CCDC142: variants seen among roughly 807,000 people sequenced by gnomAD.
CCDC142 encodes the protein coiled-coil domain-containing protein 142.
A neutral mutation model predicts 83.8 loss-of-function variants in CCDC142; 67 were observed. That is an observed-to-expected ratio of 0.80 (90% CI 0.66 to 0.98). The LOEUF (loss-of-function observed/expected upper bound fraction) is 0.98. CCDC142 is among the 50% of genes least tolerant of loss of function. The pLI is 0.00. For missense variants in CCDC142, 905 were observed against 946.8 expected, an observed-to-expected ratio of 0.96 and a Z score of 0.58; for synonymous variants, 421 against 421.2, an observed-to-expected ratio of 1.00 and a Z score of 0.01.
rs1672268872 is a variant in CCDC142, at chr2:74,474,602, G to A, written c.2197C>T (p.Arg733Ter). The part of the protein sequence containing the change: ...QAWLALRQHQ[R>*]PRWHLPFFSC... ...AAAAACGGCAGGTGCCAACGGGGTC[G>A]CTGGTGTTGCCTGAGGGCAAGCCAG... is the stretch of plus-strand genomic sequence containing the variant. Residue 733 changes from arginine to a stop codon, truncating the protein, a stop_gained, in exon 9 of 9, where the codon CGA (arginine) becomes TGA (stop). Transcript: ENST00000393965. LOFTEE classifies it high-confidence loss of function. 1.9e-6 allele frequency: 3 copies of A among 1,614,184 alleles called. No individual in the cohort carries two copies. The highest frequency in any genetic ancestry group is 1.1e-5 in the South Asian group (1 of 91,084).
In CCDC142 at chr2:74,482,077, G is replaced by T. The variant is rs1302693407; in HGVS notation, c.761C>A (p.Ala254Glu). The T allele has an allele frequency of 6.2e-6, 10 of 1,613,384 alleles. No homozygotes were observed. The highest frequency in any genetic ancestry group is 8.5e-6 in the Non-Finnish European group (10 of 1,179,944). Residue 254 changes from alanine to glutamate, a missense_variant, in exon 1 of 9, where the codon GCG (alanine) becomes GAG (glutamate). By Grantham distance (107) the Ala-to-Glu change is moderately radical (BLOSUM62 -1). Coordinates refer to ENST00000393965, the MANE Select transcript of CCDC142 (RefSeq NM_001365575.2). This position sits in a 1 kb window ranked among gnomAD's most constrained non-coding sequence, Gnocchi z 5.0. ...GTCCCTCAACGCCGATCCTTGGAGC[G>T]CCTCGTCCAGCCGACTTGCCACCTG... is the stretch of plus-strand genomic sequence containing the variant. The part of the protein sequence containing the change: ...GCQVASRLDE[A>E]LQGSALRDQL...
At chr2:74,479,855 G>A (rs1346513614) in intron 5 of CCDC142, among the ~76,000 whole-genome samples, 2 of 152,120 alleles carry the variant, frequency 1.3e-5, no homozygotes, top group Admixed American at 6.6e-5. Flanking sequence ...CTCAAGCAAT[G>A]CTCTTGCCTT....
rs1243835790 is a variant in CCDC142, at chr2:74,475,281, C to G, written c.1740G>C (p.Leu580=). The G allele has an allele frequency of 3.1e-6, 5 of 1,614,238 alleles. No homozygotes were observed. The highest frequency in any genetic ancestry group is 3.4e-6 in the Non-Finnish European group (4 of 1,180,038). ...CAAGCCAGGCACCCACGATGGCCGTCAGAGCCTGACCAAGGGCAGGGGCCT... is the reference window on the plus strand; with the variant it reads ...CAAGCCAGGCACCCACGATGGCCGTGAGAGCCTGACCAAGGGCAGGGGCCT... ...QAQAPALGQA[L]TAIVGAWLDH... Residue 580 remains leucine (L), a synonymous_variant, in exon 7 of 9, where the codon CTG becomes CTC. Coordinates refer to ENST00000393965, the MANE Select transcript of CCDC142 (RefSeq NM_001365575.2).
Position 74,474,739 on chromosome 2 carries a change from A to AAGCTCTCCAGGCT in CCDC142, c.2047_2059dup (p.Leu687Ter). The AAGCTCTCCAGGCT allele has an allele frequency of 6.2e-7, 1 of 1,614,162 alleles. No homozygotes were observed. The highest frequency in any genetic ancestry group is 8.5e-7 in the Non-Finnish European group (1 of 1,180,006). ...TGTTCCAGGCTGGAGCGGGGGCTCC[A>AAGCTCTCCAGGCT]AGCTCTCCAGGCTATTGAGGCAGCT... On this transcript the variant is annotated stop_gained and frameshift_variant, in exon 9 of 9. Transcript: ENST00000393965. LOFTEE classifies it high-confidence loss of function.
Position 74,482,941 on chromosome 2 carries a change from G to C in CCDC142, c.-104C>G. The C allele has an allele frequency of 6.4e-7, 1 of 1,560,988 alleles. No individual in the cohort carries two copies. Among genetic ancestry groups the C allele is most frequent in the Non-Finnish European group, 8.7e-7 (1 of 1,146,284 alleles). Reference sequence around the variant, plus strand: ...CCCATCGCAAGAGCCGTTTTCTCCAGTCCGGGAGTCGCGGGGACCTTCATG... The same window carrying C: ...CCCATCGCAAGAGCCGTTTTCTCCACTCCGGGAGTCGCGGGGACCTTCATG... On this transcript the variant is annotated 5_prime_UTR_variant, in exon 1 of 9. Transcript: ENST00000393965. This position sits in a 1 kb window ranked among gnomAD's most constrained non-coding sequence, Gnocchi z 5.0.
intron 5 of CCDC142, among the ~76,000 whole-genome samples, chr2:74,479,192 A>AG (rs1208966136): frequency 6.6e-6 from 1 of 151,800 alleles, no homozygotes; most frequent in African/African-American, 2.4e-5. Context: ...ACCCCATCTT[A>AG]GAAAAAAAAA....
chr2:74,482,577 C>A lies in CCDC142; in HGVS notation c.261G>T (p.Ala87=). The change falls in exon 1 of 9, where the codon GCG becomes GCT. Residue 87 remains alanine, a synonymous_variant. Coordinates refer to ENST00000393965, the MANE Select transcript of CCDC142 (RefSeq NM_001365575.2). This position sits in a 1 kb window ranked among gnomAD's most constrained non-coding sequence, Gnocchi z 5.0. Reference sequence around the variant, plus strand: ...GCAACACCGCCCGGAGACGCTGCAGCGCGGGAGGGATCGGGCCGCCACCTG... The same window carrying A: ...GCAACACCGCCCGGAGACGCTGCAGAGCGGGAGGGATCGGGCCGCCACCTG... The part of the protein sequence containing the change: ...GPAGGGPIPP[A]LQRLRAVLLR... 1 of 1,604,296 alleles carries A rather than the reference C, an allele frequency of 6.2e-7. No individual in the cohort carries two copies. The highest frequency in any genetic ancestry group is 8.5e-7 in the Non-Finnish European group (1 of 1,175,330).
chr2:74,482,547 C>T lies in CCDC142; in HGVS notation c.291G>A (p.Arg97=), dbSNP rs1484650862. 6.3e-7 allele frequency: 1 copy of T among 1,597,612 alleles called. No homozygotes were observed. The highest frequency in any genetic ancestry group is 8.5e-7 in the Non-Finnish European group (1 of 1,171,712). The change falls in exon 1 of 9, where the codon CGG becomes CGA. Residue 97 remains arginine, a synonymous_variant. Coordinates refer to ENST00000393965, the MANE Select transcript of CCDC142 (RefSeq NM_001365575.2). This position sits in a 1 kb window ranked among gnomAD's most constrained non-coding sequence, Gnocchi z 5.0. The stretch of plus-strand genomic sequence containing the variant: ...GGAGCTGCTCCCGCTCGCGATGCAG[C>T]CGCAGCAACACCGCCCGGAGACGCT... ...ALQRLRAVLL[R]LHREREQLLQ...
chr2:74,477,381 A>G (rs1310648245), intron 5 of CCDC142, among the ~76,000 whole-genome samples: 2 of 152,126 alleles, frequency 1.3e-5, no homozygotes, highest in African/African-American at 4.8e-5. Flanking sequence ...GCCTCCCGAA[A>G]TGCTGGGATT....
intron 5 of CCDC142, among the ~76,000 whole-genome samples, chr2:74,480,130 T>C (rs1399728297): frequency 6.6e-6 from 1 of 152,216 alleles, no homozygotes. Context: ...AATGATCCAC[T>C]GTTGCCATCA....
In CCDC142 at chr2:74,482,251, G is replaced by A. The variant is rs188983683; in HGVS notation, c.587C>T (p.Pro196Leu). The change falls in exon 1 of 9, where the codon CCG becomes CTG. Residue 196 changes from proline (P) to leucine (L), a missense_variant. By Grantham distance (98) the Pro-to-Leu change is moderately conservative (BLOSUM62 -3). This residue lies in a region of CCDC142 where 591 missense variants were observed against 571.4 expected (regional missense o/e 1.03). Transcript: ENST00000393965. This position sits in a 1 kb window ranked among gnomAD's most constrained non-coding sequence, Gnocchi z 5.0. ...LRALGREPAS[P>L]GLSSQLAELL... ...CTCGGCGAGTTGGGACGACAGGCCC[G>A]GGCTGGCGGGCTCCCGGCCGAGAGC... The A allele has an allele frequency of 3.7e-6, 6 of 1,613,072 alleles. No homozygotes were observed. In the East Asian group the frequency reaches 1.1e-4, roughly 30 times the overall value.
At chr2:74,481,562 G>A in intron 1 of CCDC142, 24 bp from the exon 2 acceptor site, 2 of 1,608,568 alleles carry the variant, frequency 1.2e-6, no homozygotes, top group Non-Finnish European at 8.5e-7. Flanking sequence ...TGACTCTGGG[G>A]CCTGAAAACA....
rs1672260883 is a variant in CCDC142, at chr2:74,474,309, TC to T, written c.*236del. The T allele has an allele frequency of 2.3e-6, 1 of 443,272 alleles. No homozygotes were observed. Among genetic ancestry groups the T allele is most frequent in the African/African-American group, 2.0e-5 (1 of 48,998 alleles). 27.5% of individuals were successfully genotyped at this position (443,272 alleles called of 1,614,324 possible). A position where few individuals can be genotyped will look rare whatever the true frequency, so the allele number is the denominator to read the frequency against. ...CGTGTTAGCCAGGATGGTCTTGATC[TC>T]CTGACCTCATGATCCGCCTGCCTCG... is the stretch of plus-strand genomic sequence containing the variant. On this transcript the variant is annotated 3_prime_UTR_variant, in exon 9 of 9. Transcript: ENST00000393965.
intron 5 of CCDC142, among the ~76,000 whole-genome samples, 171 bp downstream of exon 5, chr2:74,480,590 CAAAAAAAA>C (rs374053495): frequency 1.8e-5 from 1 of 56,094 alleles, no homozygotes; most frequent in Non-Finnish European, 4.2e-5. Context: ...GACCCTGTCT[CAAAAAAAA>C]AAAAAAAAAA....
intron 5 of CCDC142, among the ~76,000 whole-genome samples, chr2:74,476,999 C>T (rs13424271): frequency 0.019 from 2,950 of 152,308 alleles, 60 homozygotes; most frequent in African/African-American, 0.051. Flanking sequence ...CTTTTGTCAA[C>T]GGACTTTTGT....
Position 74,481,937 on chromosome 2 carries a change from A to G in CCDC142, c.901T>C (p.Leu301=), listed in dbSNP as rs1452833149. The G allele has an allele frequency of 6.2e-7, 1 of 1,613,970 alleles. No individual in the cohort carries two copies. Among genetic ancestry groups the G allele is most frequent in the Non-Finnish European group, 8.5e-7 (1 of 1,179,974 alleles). ...AGCAGGGTCCAGTATTGGCTCCACA[A>G]GGCCCCAGCCCCTCCGAGCCCTAGT... ...CGLGLGGAGA[L]WSQYWTLLWA... The change falls in exon 1 of 9, where the codon TTG becomes CTG. Residue 301 remains leucine, a synonymous_variant. Coordinates refer to ENST00000393965, the MANE Select transcript of CCDC142 (RefSeq NM_001365575.2).
intron 1 of CCDC142, 112 bp from the exon 2 acceptor site, chr2:74,481,650 G>T: frequency 7.3e-7 from 1 of 1,376,064 alleles, no homozygotes; most frequent in Non-Finnish European, 1.0e-6. Context: ...CGGGACTGGG[G>T]TGGAAAGCAA....
chr2:74,481,376 A>G lies in CCDC142; in HGVS notation c.1109-4T>C, dbSNP rs151083176. On this transcript the variant is annotated splice_polypyrimidine_tract_variant and splice_region_variant and intron_variant, in intron 2 of 8. Transcript: ENST00000393965. ...GATCCCAAGGCCTGGCAGAAACCTG[A>G]GGATGAGAGAGTATAGTGTGGTGGG... The G allele has an allele frequency of 4.9e-5, 79 of 1,614,092 alleles. No individual in the cohort carries two copies. In the African/African-American group the frequency reaches 1.0e-3, roughly 20 times the overall value.
Position 74,480,786 on chromosome 2 carries a change from G to C in CCDC142, c.1486C>G (p.Leu496Val), listed in dbSNP as rs867932667. Residue 496 changes from leucine (L) to valine (V), a missense_variant, in exon 5 of 9, where the codon CTG (leucine) becomes GTG (valine). Transcript: ENST00000393965. ...GTTCTCACCTGGATCTGTGCAGTCAGCTTCTGGATCTCCAGGCCCAGCTGC... is the reference window on the plus strand; with the variant it reads ...GTTCTCACCTGGATCTGTGCAGTCACCTTCTGGATCTCCAGGCCCAGCTGC... Reference protein sequence around the residue: ...EQQLGLEIQKLTAQIQLLPEE... With the variant: ...EQQLGLEIQKVTAQIQLLPEE... The C allele has an allele frequency of 2.5e-6, 4 of 1,613,248 alleles. No homozygotes were observed. The Middle Eastern group carries it at 5.0e-4, about 201-fold the overall frequency.
Sources: allele counts gnomAD v4.1 joint callset (sites outside exome capture counted in the v4.1 genomes callset), GRCh38; gene constraint gnomAD v4.1.1; regional missense constraint gnomAD v4.1.1; non-coding constraint Gnocchi (gnomAD v3.1); transcripts MANE v1.5; gene names NCBI Gene and HGNC (gene_info 2026-07-23, HGNC 2026-07-21).